The following ETS1 variants were observed in gnomAD, a reference collection of about 807,000 sequenced individuals.
The protein encoded by ETS1 is protein C-ets-1.
ETS1 carries 15 observed loss-of-function variants against 58.6 expected under a neutral mutation model. The observed-to-expected ratio is 0.26, with a 90% CI of 0.17 to 0.39. The LOEUF (loss-of-function observed/expected upper bound fraction) is 0.39. ETS1 is among the 10% of genes least tolerant of loss of function. The probability of loss-of-function intolerance (pLI) is 1.00; values close to 1 mark genes in which losing one functional copy is unlikely to be tolerated. For missense variants in ETS1, 417 were observed against 610.5 expected (o/e 0.68, Z 3.34); for synonymous variants, 214 against 218.2 (o/e 0.98, Z 0.17).
rs1591625809 is a variant in ETS1, at chr11:128,505,136, T to TA, written c.215-14561dup. 5 of 152,336 alleles carry TA rather than the reference T, an allele frequency of 3.3e-5. No individual in the cohort carries two copies. The East Asian group carries it at 9.6e-4, about 29-fold the overall frequency. 9.4% of individuals were successfully genotyped at this position (152,336 alleles called of 1,614,324 possible). ...CTTCAGTGATCTATGAACCTTTATC[T>TA]AAAAAGCACTGAAAGGCAGAGTGCC... is the stretch of plus-strand genomic sequence containing the variant. On this transcript the variant is annotated intron_variant, in intron 3 of 9. Coordinates refer to ENST00000392668, the MANE Select transcript of ETS1 (RefSeq NM_001143820.2).
intron 3 of ETS1, chr11:128,522,397 T>TCCGCGCGCCCTGGGC (rs1306860455): frequency 6.2e-6 from 6 of 969,556 alleles, no homozygotes; most frequent in Non-Finnish European, 7.4e-6. Flanking sequence ...GGCCGCTGGG[T>TCCGCGCGCCCTGGGC]CCGCGCGCCC....
At chr11:128,486,188 C>T in intron 5 of ETS1, 42 bp from the exon 6 acceptor site, 2 of 1,273,270 alleles carry the variant, frequency 1.6e-6, no homozygotes, top group Non-Finnish European at 2.3e-6. Flanking sequence ...GGTCAATATT[C>T]AAGTCATGCT....
intron 3 of ETS1, among the ~76,000 whole-genome samples, chr11:128,525,628 A>G (rs1863786825): frequency 6.6e-6 from 1 of 151,340 alleles, no homozygotes; most frequent in South Asian, 2.1e-4. Flanking sequence ...AGAAAAAAAA[A>G]AAAAAAAAAA....
chr11:128,493,538 T>TA (rs981935777), intron 3 of ETS1, among the ~76,000 whole-genome samples: 2 of 152,116 alleles, frequency 1.3e-5, no homozygotes, highest in African/African-American at 4.8e-5. Context: ...TAGATCTCTT[T>TA]AAAAAAAGGG....
chr11:128,555,783 A>C (rs765400382), intron 3 of ETS1, among the ~76,000 whole-genome samples: 259 of 152,306 alleles, frequency 1.7e-3, no homozygotes, highest in Non-Finnish European at 2.4e-3. Flanking sequence ...GGAGACTCCC[A>C]CTCACCAGAG....
At chr11:128,478,450 G>GAA (rs1435061651) in intron 8 of ETS1, among the ~76,000 whole-genome samples, 82 of 71,904 alleles carry the variant, frequency 1.1e-3, no homozygotes, top group African/African-American at 6.2e-3. Flanking sequence ...AGGGAGAGAG[G>GAA]GAGGGAGGAA....
chr11:128,501,682 C>T (rs1007901055), intron 3 of ETS1, among the ~76,000 whole-genome samples: 2 of 152,208 alleles, frequency 1.3e-5, no homozygotes, highest in African/African-American at 4.8e-5. Flanking sequence ...AGAGACCATG[C>T]ATTACTCTGA....
chr11:128,520,795 T>C (rs1249086926), intron 3 of ETS1, among the ~76,000 whole-genome samples: 1 of 152,226 alleles, frequency 6.6e-6, no homozygotes, highest in East Asian at 1.9e-4. Context: ...ATCAGTATGG[T>C]TGTGCTGAAA....
At chr11:128,490,415 G>T (rs1304909062) in intron 4 of ETS1, 42 bp downstream of exon 4, 5 of 1,609,782 alleles carry the variant, frequency 3.1e-6, no homozygotes, top group Non-Finnish European at 4.2e-6. Context: ...CTTCCCAAAG[G>T]GTCTGACCCC....
chr11:128,468,615 G>A (rs760250990), intron 8 of ETS1, among the ~76,000 whole-genome samples: 28 of 152,070 alleles, frequency 1.8e-4, no homozygotes, highest in Non-Finnish European at 2.9e-5. Context: ...CTGCTGAGAG[G>A]AGAACACAGG....
At chr11:128,493,469 C>T (rs1435455420) in intron 3 of ETS1, among the ~76,000 whole-genome samples, 1 of 152,230 alleles carries the variant, frequency 6.6e-6, no homozygotes, top group African/African-American at 2.4e-5. Flanking sequence ...AGTCCACGTG[C>T]TGTTGGGGCC....
At chr11:128,574,365 T>TA (rs1406320741) in intron 1 of ETS1, among the ~76,000 whole-genome samples, 2 of 152,218 alleles carry the variant, frequency 1.3e-5, no homozygotes, top group African/African-American at 4.8e-5. Context: ...ACATTAGTTT[T>TA]AAAAAATTAA....
At chr11:128,578,772 C>CT (rs1864803397) in intron 1 of ETS1, among the ~76,000 whole-genome samples, 1 of 152,080 alleles carries the variant, frequency 6.6e-6, no homozygotes, top group Non-Finnish European at 1.5e-5. Context: ...TAACATAATG[C>CT]TATGGACATT....
At chr11:128,548,058 T>C (rs1287883412) in intron 3 of ETS1, among the ~76,000 whole-genome samples, 5 of 105,914 alleles carry the variant, frequency 4.7e-5, no homozygotes, top group East Asian at 3.5e-4. Flanking sequence ...AGGCATTCAA[T>C]AGGGAAAAAA....
At chr11:128,486,450 C>T (rs936131233) in intron 5 of ETS1, among the ~76,000 whole-genome samples, 3 of 152,198 alleles carry the variant, frequency 2.0e-5, no homozygotes, top group Non-Finnish European at 4.4e-5. Context: ...TCAATGCATT[C>T]GTGCTGCGTG....
rs1330795203 is a variant in ETS1, at chr11:128,549,204, CAG to C, written c.214+7085_214+7086del. Among the ~76,000 whole-genome samples, 1 of 152,216 alleles carries C rather than the reference CAG, an allele frequency of 6.6e-6. No homozygotes were observed. The highest frequency in any genetic ancestry group is 2.4e-5 in the African/African-American group (1 of 41,458). The stretch of plus-strand genomic sequence containing the variant: ...GCCCGTGTCTCTAGGCGGCCAGACA[CAG>C]CACTACAGGCTGTCCCTGCGGCGCA... On this transcript the variant is annotated intron_variant, in intron 3 of 9. Transcript: ENST00000392668. This position sits in a 1 kb window ranked among gnomAD's most constrained non-coding sequence, Gnocchi z 4.3.
At chr11:128,522,009 G>T in intron 3 of ETS1, 1 of 1,579,562 alleles carries the variant, frequency 6.3e-7, no homozygotes. Context: ...CCAGGAGTGG[G>T]GGACGTACGG....
chr11:128,554,822 A>G, intron 3 of ETS1, among the ~76,000 whole-genome samples: 1 of 152,160 alleles, frequency 6.6e-6, no homozygotes, highest in East Asian at 1.9e-4. Flanking sequence ...ATACAAATAT[A>G]AATACAGCCA....
At chr11:128,556,238 T>A in intron 3 of ETS1, 53 bp downstream of exon 3, 1 of 1,498,908 alleles carries the variant, frequency 6.7e-7, no homozygotes. Flanking sequence ...CTCATCACAT[T>A]TCCATTGTCC....
Sources: allele counts gnomAD v4.1 joint callset (sites outside exome capture counted in the v4.1 genomes callset), GRCh38; gene constraint gnomAD v4.1.1; non-coding constraint Gnocchi (gnomAD v3.1); transcripts MANE v1.5; gene names NCBI Gene and HGNC (gene_info 2026-07-23, HGNC 2026-07-21).